Variants in PCNX2 observed in about 807,000 individuals in gnomAD.
The protein encoded by PCNX2 is pecanex-like protein 2.
PCNX2 carries 168 observed loss-of-function variants against 223.8 expected under a neutral mutation model. The ratio of observed to expected loss-of-function variants is 0.75; its 90% CI spans 0.66 to 0.85. The LOEUF (loss-of-function observed/expected upper bound fraction) is 0.85. Ranked by LOEUF, PCNX2 falls within the 40% of genes least tolerant of loss-of-function variation. The pLI, the probability that PCNX2 is intolerant of heterozygous loss-of-function variation, is 0.00. For synonymous variants in PCNX2, 1,006 were observed against 1,052.6 expected, an observed-to-expected ratio of 0.96 and a Z score of 0.86; for missense variants, 2,507 against 2,675.5, an observed-to-expected ratio of 0.94 and a Z score of 1.39.
chr1:233,043,407 T>TA (rs1671712197), intron 25 of PCNX2, among the ~76,000 whole-genome samples: 3 of 152,326 alleles, frequency 2.0e-5, no homozygotes, highest in South Asian at 2.1e-4. Flanking sequence ...CTTAGATTTT[T>TA]AAAAAATTAT....
chr1:233,215,506 G>T (rs10489804), intron 12 of PCNX2, among the ~76,000 whole-genome samples: 1 of 152,292 alleles, frequency 6.6e-6, no homozygotes, highest in African/African-American at 2.4e-5. Context: ...ACCTAGAGCA[G>T]TGGCATACGG....
chr1:233,075,741 CAGAAA>C (rs1283086956), intron 23 of PCNX2, among the ~76,000 whole-genome samples: 5 of 120,060 alleles, frequency 4.2e-5, no homozygotes, highest in Non-Finnish European at 8.5e-5. Flanking sequence ...ACACACACAA[CAGAAA>C]AGAAATCTCC....
intron 12 of PCNX2, among the ~76,000 whole-genome samples, chr1:233,213,074 C>A (rs553547455): frequency 6.6e-6 from 1 of 152,274 alleles, no homozygotes; most frequent in South Asian, 2.1e-4. Context: ...AACTGAGAAA[C>A]AGTGTACAAA....
intron 21 of PCNX2, among the ~76,000 whole-genome samples, chr1:233,124,457 C>G (rs1204979200): frequency 1.3e-5 from 2 of 152,150 alleles, no homozygotes; most frequent in African/African-American, 4.8e-5. Context: ...TCAAAACTAT[C>G]TCACCAAAAA....
chr1:233,282,152 C>T (rs781046892), intron 1 of PCNX2, among the ~76,000 whole-genome samples: 10 of 152,134 alleles, frequency 6.6e-5, no homozygotes, highest in East Asian at 1.9e-4. Context: ...TTCTCAGCAG[C>T]GAGCAACACA....
chr1:233,279,190 A>G (rs1312396696), intron 1 of PCNX2, among the ~76,000 whole-genome samples: 1 of 152,156 alleles, frequency 6.6e-6, no homozygotes, highest in African/African-American at 2.4e-5. Context: ...TAAGAAATAA[A>G]TAAGTCATGA....
chr1:233,090,220 A>G, intron 22 of PCNX2, 30 bp from the exon 23 acceptor site: 1 of 1,595,786 alleles, frequency 6.3e-7, no homozygotes, highest in Non-Finnish European at 8.5e-7. Flanking sequence ...GCAAAAAAAA[A>G]AATTATGATT....
intron 12 of PCNX2, among the ~76,000 whole-genome samples, chr1:233,212,258 T>G (rs1264484132): frequency 1.3e-5 from 2 of 152,182 alleles, no homozygotes; most frequent in African/African-American, 4.8e-5. Context: ...TGATCCACAC[T>G]TTGTATATAC....
chr1:232,997,631 C>T (rs750287604), intron 32 of PCNX2, among the ~76,000 whole-genome samples: 10 of 152,316 alleles, frequency 6.6e-5, no homozygotes, highest in African/African-American at 2.2e-4. Context: ...CCAGTGCAGA[C>T]CACCAGTGGA....
At chr1:233,318,441 TAGTTG>T in the PCNX2 span, among the ~76,000 whole-genome samples, 1 of 152,056 alleles carries the variant, frequency 6.6e-6, no homozygotes, top group Admixed American at 6.5e-5. Context: ...TCCTTTTCTC[TAGTTG>T]AGTGACCTCA....
intron 14 of PCNX2, among the ~76,000 whole-genome samples, chr1:233,199,636 T>C (rs77617008): frequency 0.012 from 1,840 of 152,298 alleles, 17 homozygotes; most frequent in Non-Finnish European, 0.017. Flanking sequence ...ATATCCACCT[T>C]GGTCTGAATC....
At chr1:233,120,134 T>G (rs542113325) in intron 21 of PCNX2, among the ~76,000 whole-genome samples, 1 of 122,504 alleles carries the variant, frequency 8.2e-6, no homozygotes, top group East Asian at 2.3e-4. Context: ...ACCACTGCAC[T>G]CCAGCCTGGG....
chr1:233,138,168 G>T (rs74230955), intron 20 of PCNX2, among the ~76,000 whole-genome samples: 3,071 of 152,290 alleles, frequency 0.02, 39 homozygotes, highest in East Asian at 0.051. Flanking sequence ...TTGCTGATGT[G>T]ATCATCTGGG....
chr1:233,252,267 G>A, intron 7 of PCNX2, 87 bp downstream of exon 7: 1 of 1,424,876 alleles, frequency 7.0e-7, no homozygotes, highest in South Asian at 1.4e-5. Flanking sequence ...CTCAAGTCTA[G>A]TACTCATGCT....
intron 23 of PCNX2, 27 bp from the exon 24 acceptor site, chr1:233,057,317 G>A (rs775037935): frequency 7.0e-6 from 11 of 1,573,714 alleles, no homozygotes; most frequent in Non-Finnish European, 9.6e-6. Flanking sequence ...AAGGGTAAAA[G>A]GTCATGATTA....
intron 1 of PCNX2, among the ~76,000 whole-genome samples, chr1:233,275,769 C>T (rs555492852): frequency 3.8e-4 from 58 of 151,984 alleles, no homozygotes; most frequent in African/African-American, 1.3e-3. Context: ...CAGTGGCTCA[C>T]GCCTGTAATC....
At position 232,989,665 on chromosome 1, in the gene PCNX2, C is replaced by T. The variant is rs578157340; in HGVS notation, c.5792-3125G>A. On this transcript the variant is annotated intron_variant, in intron 32 of 33. Coordinates refer to ENST00000258229, the MANE Select transcript of PCNX2 (RefSeq NM_014801.4). The stretch of plus-strand genomic sequence containing the variant: ...CTGTATCACTTCTATGAGCTCAGCA[C>T]CCAGTACACTAACATGTAAGTAAAG... Among the ~76,000 whole-genome samples the T allele has an allele frequency of 3.9e-5, 6 of 152,280 alleles. No individual in the cohort carries two copies. The East Asian group carries it at 1.2e-3, about 29-fold the overall frequency.
chr1:233,206,994 G>A (rs534122220), intron 13 of PCNX2, among the ~76,000 whole-genome samples: 62 of 150,698 alleles, frequency 4.1e-4, no homozygotes, highest in African/African-American at 1.5e-3. Context: ...TTGGGAGACA[G>A]AGCGAGACTC....
chr1:233,172,344 T>C (rs1203085032), intron 17 of PCNX2: 2 of 984,966 alleles, frequency 2.0e-6, no homozygotes, highest in Admixed American at 6.1e-5. Context: ...GCGTTTCCAA[T>C]TGGGTACCAC....
Sources: allele counts gnomAD v4.1 joint callset (sites outside exome capture counted in the v4.1 genomes callset), GRCh38; gene constraint gnomAD v4.1.1; transcripts MANE v1.5; gene names NCBI Gene and HGNC (gene_info 2026-07-23, HGNC 2026-07-21).